The following PROK2 variants were observed in gnomAD, a reference collection of about 807,000 sequenced individuals.
PROK2 encodes prokineticin 2.
In PROK2, 8 loss-of-function variants were observed where a neutral mutation model predicts 14.2. That is an observed-to-expected ratio of 0.56 (90% CI 0.33 to 1.02). The LOEUF (loss-of-function observed/expected upper bound fraction) is 1.02. Among genes scored for constraint, PROK2 ranks in the 50% least tolerant of loss-of-function variants. PROK2 has a pLI of 0.03. For missense variants in PROK2, 154 were observed against 160.4 expected (o/e 0.96, Z 0.22); for synonymous variants, 59 against 60.7 (o/e 0.97, Z 0.13).
chr3:71,779,564 T>C (rs1484307349), intron 2 of PROK2, among the ~76,000 whole-genome samples: 3 of 152,188 alleles, frequency 2.0e-5, no homozygotes, highest in Non-Finnish European at 4.4e-5. Flanking sequence ...GATTCTAGCA[T>C]CTAGGGCATG....
At chr3:71,774,053 C>T (rs1281647478) in intron 3 of PROK2, among the ~76,000 whole-genome samples, 4 of 152,148 alleles carry the variant, frequency 2.6e-5, no homozygotes, top group South Asian at 2.1e-4. Context: ...GTGAGTGAGA[C>T]GAGTGACTAC....
chr3:71,783,759 T>C (rs1457871681), intron 1 of PROK2, among the ~76,000 whole-genome samples: 1 of 152,242 alleles, frequency 6.6e-6, no homozygotes, highest in Non-Finnish European at 1.5e-5. Flanking sequence ...GCAAAAAGTT[T>C]TTCTCAACCA....
intron 1 of PROK2, among the ~76,000 whole-genome samples, chr3:71,782,478 G>C (rs1257229928): frequency 2.0e-5 from 3 of 152,134 alleles, no homozygotes; most frequent in Non-Finnish European, 2.9e-5. Context: ...CTAGTAAATA[G>C]AAATAAATAA....
chr3:71,777,053 T>A (rs980607698), intron 2 of PROK2, among the ~76,000 whole-genome samples: 1 of 152,246 alleles, frequency 6.6e-6, no homozygotes, highest in Admixed American at 6.5e-5. Context: ...GTGATGGAAA[T>A]GTTTTGTGTC....
chr3:71,776,329 TTC>T (rs1286693477), intron 2 of PROK2, among the ~76,000 whole-genome samples: 3 of 151,722 alleles, frequency 2.0e-5, no homozygotes, highest in Admixed American at 6.6e-5. Flanking sequence ...TCTCTTTCTT[TTC>T]TCTCTTCTTT....
chr3:71,774,372 G>T, intron 3 of PROK2, 73 bp downstream of exon 3: 3 of 1,550,452 alleles, frequency 1.9e-6, no homozygotes, highest in Non-Finnish European at 1.7e-6. Context: ...CCAACTCTAT[G>T]GTAGTCCAAC....
chr3:71,772,471 C>A lies in PROK2; in HGVS notation c.*253G>T. On this transcript the variant is annotated 3_prime_UTR_variant, in exon 4 of 4. Coordinates refer to ENST00000295619, the MANE Select transcript of PROK2 (RefSeq NM_001126128.2). The stretch of plus-strand genomic sequence containing the variant: ...TTGACATTTAAGAAAAAAGCCAAAT[C>A]AAACCAAAACACAAACAGGGAAATA... The A allele has an allele frequency of 4.9e-6, 2 of 411,096 alleles. No individual in the cohort carries two copies. The highest frequency in any genetic ancestry group is 4.6e-5 in the South Asian group (1 of 21,952). The allele number at this position is 411,096 out of a possible 1,614,324, so 25.5% of individuals were successfully genotyped here.
At chr3:71,777,173 C>T (rs2050126668) in intron 2 of PROK2, among the ~76,000 whole-genome samples, 1 of 152,144 alleles carries the variant, frequency 6.6e-6, no homozygotes, top group South Asian at 2.1e-4. Context: ...AGTTGAGAAA[C>T]CTGTATTAGA....
intron 2 of PROK2, among the ~76,000 whole-genome samples, chr3:71,780,403 T>C (rs1250711877): frequency 6.6e-6 from 1 of 152,262 alleles, no homozygotes; most frequent in Non-Finnish European, 1.5e-5. Context: ...TTGGCTGTGT[T>C]ACATTTTTAA....
chr3:71,776,370 T>C, intron 2 of PROK2, among the ~76,000 whole-genome samples: 1 of 109,878 alleles, frequency 9.1e-6, no homozygotes, highest in African/African-American at 4.4e-5. Context: ...TTTCATTTTT[T>C]TTTTTTTTTT....
chr3:71,779,439 A>G lies in PROK2; in HGVS notation c.222+2028T>C, dbSNP rs147843598. 2.5e-3 allele frequency among the ~76,000 whole-genome samples: 374 copies of G among 152,366 alleles called. 1 individual carries two copies. Among genetic ancestry groups the G allele is most frequent in the African/African-American group, 8.7e-3 (362 of 41,582 alleles). On this transcript the variant is annotated intron_variant, in intron 2 of 3. Coordinates refer to ENST00000295619, the MANE Select transcript of PROK2 (RefSeq NM_001126128.2). ...AAGAAGTACATATACAACATTTAAT[A>G]TAGAGGATCTGGTACATCACAGTAT...
chr3:71,774,897 A>G (rs371424867), intron 2 of PROK2, among the ~76,000 whole-genome samples: 6 of 152,184 alleles, frequency 3.9e-5, no homozygotes, highest in Admixed American at 3.9e-4. Flanking sequence ...CCCTGAGACC[A>G]TAAGTTTCCT....
At chr3:71,776,364 ATTTTTTTTTT>A (rs58407323) in intron 2 of PROK2, among the ~76,000 whole-genome samples, 9 of 75,436 alleles carry the variant, frequency 1.2e-4, no homozygotes, top group East Asian at 4.4e-4. Context: ...TTCGCTTTTC[ATTTTTTTTTT>A]TTTTTTTTTT....
intron 2 of PROK2, among the ~76,000 whole-genome samples, chr3:71,774,765 G>A (rs1201774938): frequency 6.6e-6 from 1 of 152,162 alleles, no homozygotes; most frequent in Non-Finnish European, 1.5e-5. Flanking sequence ...AACACTGAGA[G>A]CCGGCTCTTT....
At chr3:71,776,103 A>G (rs2050115440) in intron 2 of PROK2, among the ~76,000 whole-genome samples, 1 of 152,200 alleles carries the variant, frequency 6.6e-6, no homozygotes, top group African/African-American at 2.4e-5. Flanking sequence ...TCACAAGGTC[A>G]TCTGTTTTTG....
chr3:71,774,511 G>C lies in PROK2; in HGVS notation c.223-4C>G. 6.5e-7 allele frequency: 1 copy of C among 1,550,314 alleles called. No homozygotes were observed. Among genetic ancestry groups the C allele is most frequent in the Non-Finnish European group, 8.7e-7 (1 of 1,146,402 alleles). ...GCCTTCCATTTCCAAAATTGTTCTG[G>C]AAGGGCCAGGGAGACGATTGAGATC... On this transcript the variant is annotated splice_region_variant and splice_polypyrimidine_tract_variant and intron_variant, in intron 2 of 3. Transcript: ENST00000295619.
Position 71,771,907 on chromosome 3 carries a change from A to G in PROK2, c.*817T>C, listed in dbSNP as rs762755816. 1 of 152,484 alleles carries G rather than the reference A, an allele frequency of 6.6e-6. No homozygotes were observed. Among genetic ancestry groups the G allele is most frequent in the Non-Finnish European group, 1.5e-5 (1 of 68,042 alleles). 9.4% of individuals were successfully genotyped at this position (152,484 alleles called of 1,614,324 possible). A position where few individuals can be genotyped will look rare whatever the true frequency, so the allele number is the denominator to read the frequency against. On this transcript the variant is annotated 3_prime_UTR_variant, in exon 4 of 4. Transcript: ENST00000295619. ...TTTCTAGAATATCTCTAAGTAGGAG[A>G]CTAAGGAAAAAAAACTTTATAAAAA... is the stretch of plus-strand genomic sequence containing the variant.
intron 1 of PROK2, among the ~76,000 whole-genome samples, chr3:71,784,539 G>T (rs1369682253): frequency 1.3e-5 from 2 of 152,204 alleles, no homozygotes; most frequent in Non-Finnish European, 2.9e-5. Flanking sequence ...TGGGGAATTC[G>T]TCTTGGTCCT....
At chr3:71,779,299 A>G (rs1036316758) in intron 2 of PROK2, among the ~76,000 whole-genome samples, 1 of 152,234 alleles carries the variant, frequency 6.6e-6, no homozygotes, top group African/African-American at 2.4e-5. Context: ...GATTAAGACC[A>G]CATAAACAAC....
Sources: gnomAD v4.1 joint callset for allele counts (sites outside exome capture counted in the v4.1 genomes callset) on GRCh38, gnomAD v4.1.1 for gene constraint, MANE v1.5 for transcripts, NCBI Gene and HGNC (gene_info 2026-07-23, HGNC 2026-07-21) for gene names.